ST6GAL1: variants seen among roughly 807,000 people sequenced by gnomAD.
The protein encoded by ST6GAL1 is beta-galactoside alpha-2,6-sialyltransferase 1.
ST6GAL1 carries 20 observed loss-of-function variants against 38.0 expected under a neutral mutation model. That is an observed-to-expected ratio of 0.53 (90% CI 0.37 to 0.77). The LOEUF (loss-of-function observed/expected upper bound fraction) is 0.77. Among genes scored for constraint, ST6GAL1 ranks in the 30% least tolerant of loss-of-function variants. ST6GAL1 has a pLI of 0.00. For missense variants in ST6GAL1, 432 were observed against 496.4 expected, an observed-to-expected ratio of 0.87 and a Z score of 1.23; for synonymous variants, 196 against 188.2, an observed-to-expected ratio of 1.04 and a Z score of -0.34.
At chr3:187,042,600 C>T in intron 3 of ST6GAL1, 54 bp from the exon 4 acceptor site, 1 of 1,478,198 alleles carries the variant, frequency 6.8e-7, no homozygotes, top group Non-Finnish European at 9.1e-7. Flanking sequence ...CCGCCTCATG[C>T]CACATTGGGT....
At chr3:187,050,799 A>G (rs543385074) in intron 4 of ST6GAL1, among the ~76,000 whole-genome samples, 5 of 152,302 alleles carry the variant, frequency 3.3e-5, no homozygotes, top group East Asian at 1.9e-4. Flanking sequence ...TCAAAGTGCA[A>G]TGGGGTCCTT....
At chr3:187,035,467 C>T (rs979270890) in intron 2 of ST6GAL1, among the ~76,000 whole-genome samples, 3 of 152,088 alleles carry the variant, frequency 2.0e-5, no homozygotes, top group African/African-American at 7.2e-5. Context: ...GCAAAAAGAA[C>T]AAACTCAGAG....
intron 1 of ST6GAL1, among the ~76,000 whole-genome samples, chr3:186,960,969 CTTT>C (rs531371070): frequency 6.4e-5 from 8 of 124,702 alleles, no homozygotes; most frequent in Admixed American, 8.1e-5. Context: ...ATCATTTGAT[CTTT>C]TTTTTTTTTT....
chr3:187,011,407 TG>T (rs1360814737), intron 2 of ST6GAL1, among the ~76,000 whole-genome samples: 5 of 152,270 alleles, frequency 3.3e-5, no homozygotes, highest in African/African-American at 1.2e-4. Context: ...TTACTGATTT[TG>T]TACCTTTATT....
chr3:187,012,455 A>G (rs1716987239), intron 2 of ST6GAL1, among the ~76,000 whole-genome samples: 1 of 152,032 alleles, frequency 6.6e-6, no homozygotes, highest in African/African-American at 2.4e-5. Flanking sequence ...ACGGGGTTTC[A>G]ATATTGGTCA....
intron 1 of ST6GAL1, among the ~76,000 whole-genome samples, chr3:186,935,888 TA>T (rs200642345): frequency 4.3e-4 from 62 of 143,420 alleles, no homozygotes; most frequent in Admixed American, 5.6e-4. Flanking sequence ...CTAGAACTAG[TA>T]AAAAAAAAAA....
chr3:187,049,008 A>G (rs1033078465), intron 4 of ST6GAL1, among the ~76,000 whole-genome samples: 1 of 148,968 alleles, frequency 6.7e-6, no homozygotes, highest in African/African-American at 2.5e-5. Flanking sequence ...CTCCTGCCTC[A>G]GCCTCCAGAG....
At chr3:186,970,048 T>A (rs1265299258) in intron 2 of ST6GAL1, among the ~76,000 whole-genome samples, 2 of 152,146 alleles carry the variant, frequency 1.3e-5, no homozygotes, top group Non-Finnish European at 2.9e-5. Context: ...GATGCATCCT[T>A]CCTTTAGTTT....
chr3:187,022,679 G>A (rs894850052), intron 2 of ST6GAL1, among the ~76,000 whole-genome samples: 5 of 152,270 alleles, frequency 3.3e-5, no homozygotes, highest in African/African-American at 7.2e-5. Context: ...GGAGATGCAC[G>A]TTTCCCCCAC....
intron 2 of ST6GAL1, among the ~76,000 whole-genome samples, chr3:187,007,647 T>G (rs1230068662): frequency 6.6e-6 from 1 of 152,174 alleles, no homozygotes; most frequent in Non-Finnish European, 1.5e-5. Flanking sequence ...ACAATTCAAA[T>G]TTACTCAATA....
chr3:187,041,406 A>G (rs1016029911), intron 3 of ST6GAL1, among the ~76,000 whole-genome samples: 2 of 152,244 alleles, frequency 1.3e-5, no homozygotes, highest in African/African-American at 2.4e-5. Flanking sequence ...TATTGTAAAT[A>G]AACCCAGTGA....
intron 1 of ST6GAL1, among the ~76,000 whole-genome samples, chr3:186,960,651 A>G (rs569948105): frequency 1.7e-4 from 26 of 152,180 alleles, no homozygotes; most frequent in Middle Eastern, 3.4e-3. Context: ...AAGTTATATA[A>G]TCTACTTAAT....
chr3:187,032,895 A>G (rs1717801552), intron 2 of ST6GAL1, among the ~76,000 whole-genome samples: 1 of 152,102 alleles, frequency 6.6e-6, no homozygotes. Flanking sequence ...GGTTCTCCCA[A>G]CCTGAATTCC....
At chr3:186,991,799 G>C (rs1456319816) in intron 2 of ST6GAL1, among the ~76,000 whole-genome samples, 2 of 152,120 alleles carry the variant, frequency 1.3e-5, no homozygotes, top group Non-Finnish European at 2.9e-5. Context: ...TGTTGAGCTT[G>C]TGGGCAGGAA....
At chr3:187,072,698 C>A in intron 5 of ST6GAL1, 151 bp from the exon 6 acceptor site, 1 of 738,540 alleles carries the variant, frequency 1.4e-6, no homozygotes, top group Non-Finnish European at 2.5e-6. Context: ...CTTTACCTTT[C>A]TTTCACCGAA....
At chr3:186,961,425 T>C (rs1357018427) in intron 1 of ST6GAL1, among the ~76,000 whole-genome samples, 1 of 152,102 alleles carries the variant, frequency 6.6e-6, no homozygotes, top group Non-Finnish European at 1.5e-5. Flanking sequence ...TCCTTATGTA[T>C]GGACGAATTG....
chr3:186,965,430 C>T (rs1431233474), intron 2 of ST6GAL1, among the ~76,000 whole-genome samples: 4 of 152,206 alleles, frequency 2.6e-5, no homozygotes, highest in African/African-American at 9.7e-5. Context: ...CTCTGTCCCC[C>T]TCCCTCTGCT....
At chr3:186,935,035 C>T (rs960601478) in intron 1 of ST6GAL1, among the ~76,000 whole-genome samples, 12 of 152,012 alleles carry the variant, frequency 7.9e-5, no homozygotes, top group African/African-American at 2.9e-4. Flanking sequence ...TTCAGAGGTA[C>T]ATGTGCAGGT....
chr3:186,931,393 A>G, intron 1 of ST6GAL1: 1 of 152,432 alleles, frequency 6.6e-6, no homozygotes. Context: ...GACATTTAAA[A>G]GGTACCGCTT....
Sources: allele counts gnomAD v4.1 joint callset (sites outside exome capture counted in the v4.1 genomes callset), GRCh38; gene constraint gnomAD v4.1.1; transcripts MANE v1.5; gene names NCBI Gene and HGNC (gene_info 2026-07-23, HGNC 2026-07-21).